Variants in ST18 observed in about 807,000 individuals in gnomAD.
ST18 encodes ST18 C2H2C-type zinc finger transcription factor.
ST18 carries 50 observed loss-of-function variants against 110.0 expected under a neutral mutation model. That is an observed-to-expected ratio of 0.45 (90% confidence interval 0.36 to 0.58). ST18 has a LOEUF of 0.58. Ranked by LOEUF, ST18 falls within the 20% of genes least tolerant of loss-of-function variation. The pLI, the probability that ST18 is intolerant of heterozygous loss-of-function variation, is 0.00. For missense variants in ST18, 1,306 were observed against 1,280.1 expected (o/e 1.02, Z -0.31); for synonymous variants, 461 against 452.4 (o/e 1.02, Z -0.24).
intron 3 of ST18, among the ~76,000 whole-genome samples, chr8:52,228,365 T>C (rs1340580022): frequency 6.6e-6 from 1 of 152,208 alleles, no homozygotes; most frequent in Non-Finnish European, 1.5e-5. Context: ...ATTTAAACTA[T>C]AACACAGTCC....
intron 2 of ST18, among the ~76,000 whole-genome samples, chr8:52,342,915 AG>A (rs1478865644): frequency 1.3e-5 from 2 of 152,216 alleles, no homozygotes; most frequent in Admixed American, 1.3e-4. Context: ...GTCATACAAA[AG>A]TGAATGGCAA....
chr8:52,229,436 T>C (rs2090635113), intron 3 of ST18, among the ~76,000 whole-genome samples: 1 of 152,202 alleles, frequency 6.6e-6, no homozygotes, highest in Non-Finnish European at 1.5e-5. Flanking sequence ...CCCTGTTTTC[T>C]TGCAGGTTGT....
At chr8:52,284,361 C>A (rs1222231334) in intron 2 of ST18, among the ~76,000 whole-genome samples, 2 of 152,188 alleles carry the variant, frequency 1.3e-5, no homozygotes, top group Non-Finnish European at 2.9e-5. Context: ...TGGAAAGAAT[C>A]ATCTCTGACA....
intron 6 of ST18, among the ~76,000 whole-genome samples, chr8:52,216,543 C>A (rs532404234): frequency 6.6e-6 from 1 of 152,252 alleles, no homozygotes; most frequent in Non-Finnish European, 1.5e-5. Context: ...CTCTTCTTTA[C>A]ACATAGAAAA....
intron 2 of ST18, among the ~76,000 whole-genome samples, chr8:52,308,587 A>G (rs2095851255): frequency 6.6e-6 from 1 of 152,216 alleles, no homozygotes; most frequent in Admixed American, 6.5e-5. Flanking sequence ...AGACTAAGAA[A>G]TATTTCCCAG....
chr8:52,372,335 A>G lies in ST18; in HGVS notation c.-465+36993T>C, dbSNP rs888950055. On this transcript the variant is annotated intron_variant, in intron 2 of 25. Transcript: ENST00000689386. ...TGTGTTTTAATCTAAGTGTTATTAC[A>G]GGAGTCAGAAAGCTGAAAAAAAGTT... Among the ~76,000 whole-genome samples, 17 of 152,258 alleles carry G rather than the reference A, an allele frequency of 1.1e-4. 1 individual carries two copies. Among genetic ancestry groups the G allele is most frequent in the African/African-American group, 3.9e-4 (16 of 41,458 alleles).
Position 52,171,834 on chromosome 8 carries a change from T to C in ST18, c.1027A>G (p.Lys343Glu), listed in dbSNP as rs1479494979. The C allele has an allele frequency of 2.5e-6, 4 of 1,613,992 alleles. No homozygotes were observed. The East Asian group carries it at 6.7e-5, about 27-fold the overall frequency. The change falls in exon 10 of 26, where the codon AAA (lysine) becomes GAA (glutamate). Residue 343 changes from lysine (K) to glutamate (E), a missense_variant. Lys to Glu is a moderately conservative substitution (Grantham distance 56). Transcript: ENST00000689386. Reference sequence around the variant, plus strand: ...TGTCTTCCACCCATGTCGATAACTTTGGTTTGCCTCCTTTCCCCTGCTAGG... The same window carrying C: ...TGTCTTCCACCCATGTCGATAACTTCGGTTTGCCTCCTTTCCCCTGCTAGG... ...EHLAGERRQT[K>E]VIDMGGRQIF...
intron 2 of ST18, among the ~76,000 whole-genome samples, chr8:52,281,554 TA>T (rs1332128863): frequency 1.3e-5 from 2 of 152,162 alleles, no homozygotes; most frequent in Non-Finnish European, 2.9e-5. Flanking sequence ...CAAATCCCTC[TA>T]AAAACATAAT....
chr8:52,386,812 A>G (rs921032190), intron 2 of ST18, among the ~76,000 whole-genome samples: 1 of 152,172 alleles, frequency 6.6e-6, no homozygotes, highest in African/African-American at 2.4e-5. Context: ...TTTGAAGACC[A>G]GAAAACAGTC....
At chr8:52,352,869 T>G (rs1319051862) in intron 2 of ST18, among the ~76,000 whole-genome samples, 2 of 152,226 alleles carry the variant, frequency 1.3e-5, no homozygotes, top group East Asian at 3.8e-4. Context: ...AATTCCTCAT[T>G]TCTTGTTCAT....
chr8:52,313,152 AT>A (rs1205043350), intron 2 of ST18: 2 of 152,442 alleles, frequency 1.3e-5, no homozygotes, highest in Non-Finnish European at 2.9e-5. Context: ...TCACTTTTAA[AT>A]TTAGCATTCT....
At chr8:52,390,038 T>C (rs1225421363) in intron 2 of ST18, among the ~76,000 whole-genome samples, 1 of 152,082 alleles carries the variant, frequency 6.6e-6, no homozygotes, top group Non-Finnish European at 1.5e-5. Context: ...GTCTTCTGGT[T>C]GGCTAGAGAT....
intron 2 of ST18, among the ~76,000 whole-genome samples, chr8:52,311,342 G>C (rs991454816): frequency 6.6e-6 from 1 of 152,072 alleles, no homozygotes; most frequent in Non-Finnish European, 1.5e-5. Flanking sequence ...GCAACCTAAA[G>C]CCTAATGTTG....
At chr8:52,215,252 G>A (rs2083723155) in intron 6 of ST18, among the ~76,000 whole-genome samples, 1 of 152,152 alleles carries the variant, frequency 6.6e-6, no homozygotes. Flanking sequence ...TAATAGGGGA[G>A]CAGGTGTGGC....
intron 8 of ST18, among the ~76,000 whole-genome samples, chr8:52,207,438 G>A (rs1442469502): frequency 6.6e-6 from 1 of 152,202 alleles, no homozygotes; most frequent in Non-Finnish European, 1.5e-5. Context: ...GCTCCAGTGA[G>A]CCAAGGTCAC....
chr8:52,251,800 A>T (rs1004999205), intron 2 of ST18, among the ~76,000 whole-genome samples: 1 of 152,104 alleles, frequency 6.6e-6, no homozygotes, highest in Non-Finnish European at 1.5e-5. Context: ...GTTGAATTCA[A>T]TCCATAAAAC....
chr8:52,304,852 C>T (rs553233758), intron 2 of ST18, among the ~76,000 whole-genome samples: 1 of 152,286 alleles, frequency 6.6e-6, no homozygotes, highest in South Asian at 2.1e-4. Flanking sequence ...GGCAAGAGAG[C>T]TCTCTGGGTC....
chr8:52,129,738 A>G (rs1337748418), intron 22 of ST18, among the ~76,000 whole-genome samples: 1 of 152,142 alleles, frequency 6.6e-6, no homozygotes, highest in Non-Finnish European at 1.5e-5. Flanking sequence ...ACTGCTTCCC[A>G]TCTCCTAGAA....
At chr8:52,325,702 T>C (rs1205273334) in intron 2 of ST18, among the ~76,000 whole-genome samples, 3 of 152,206 alleles carry the variant, frequency 2.0e-5, no homozygotes, top group Non-Finnish European at 4.4e-5. Context: ...TAAAATTCTA[T>C]GTTTTTAAAA....
Sources: allele counts gnomAD v4.1 joint callset (sites outside exome capture counted in the v4.1 genomes callset), GRCh38; gene constraint gnomAD v4.1.1; transcripts MANE v1.5; gene names NCBI Gene and HGNC (gene_info 2026-07-23, HGNC 2026-07-21).